Variants in CNTN4 observed in about 807,000 individuals in gnomAD.
The protein encoded by CNTN4 is contactin 4, also known as contactin-4.
Under a neutral mutation model 122.5 loss-of-function variants are expected in CNTN4, and 77 were observed. The ratio of observed to expected loss-of-function variants is 0.63; its 90% CI spans 0.52 to 0.76. The LOEUF (loss-of-function observed/expected upper bound fraction) is 0.76, where lower values mean the gene tolerates loss of function less well. Among genes scored for constraint, CNTN4 ranks in the 30% least tolerant of loss-of-function variants. The pLI is 0.00. For synonymous variants in CNTN4, 512 were observed against 447.0 expected (o/e 1.15, Z -1.83); for missense variants, 1,256 against 1,259.1 (o/e 1.00, Z 0.04).
intron 7 of CNTN4, among the ~76,000 whole-genome samples, chr3:2,855,210 T>A (rs2093605598): frequency 6.6e-6 from 1 of 152,198 alleles, no homozygotes; most frequent in African/African-American, 2.4e-5. Flanking sequence ...GTCAGGGTAA[T>A]CACTGCTGGA....
intron 6 of CNTN4, among the ~76,000 whole-genome samples, chr3:2,801,777 G>GT (rs11347298): frequency 6.6e-6 from 1 of 151,694 alleles, no homozygotes; most frequent in Non-Finnish European, 1.5e-5. Context: ...CCCTGAAAGT[G>GT]TTTTTTTATT....
At chr3:2,404,240 TGGATCTCTGCTTAGGGTCTCACAA>T (rs1406494405) in intron 3 of CNTN4, among the ~76,000 whole-genome samples, 2 of 152,194 alleles carry the variant, frequency 1.3e-5, no homozygotes, top group Admixed American at 1.3e-4. Context: ...AAACACAGCA[TGGATCTCTGCTTAGGGTCTCACAA>T]GGCCTACAGC....
At chr3:2,342,524 C>T (rs2044248374) in intron 3 of CNTN4, among the ~76,000 whole-genome samples, 2 of 152,112 alleles carry the variant, frequency 1.3e-5, no homozygotes, top group African/African-American at 4.8e-5. Flanking sequence ...TCTTGTAGTT[C>T]CCATAATCCC....
intron 10 of CNTN4, among the ~76,000 whole-genome samples, chr3:2,892,965 C>T (rs1245938322): frequency 1.3e-5 from 2 of 152,070 alleles, no homozygotes; most frequent in Non-Finnish European, 2.9e-5. Flanking sequence ...GTTACTTTTC[C>T]TGCCAATACA....
chr3:2,512,555 C>T (rs2076918655), intron 3 of CNTN4, among the ~76,000 whole-genome samples: 1 of 152,152 alleles, frequency 6.6e-6, no homozygotes, highest in Admixed American at 6.5e-5. Context: ...ATTGTTATCA[C>T]TGTGGAAAGG....
chr3:2,276,772 TG>T (rs1363099018), intron 2 of CNTN4, among the ~76,000 whole-genome samples: 1 of 152,054 alleles, frequency 6.6e-6, no homozygotes, highest in Non-Finnish European at 1.5e-5. Context: ...AAAAATTAGA[TG>T]GGCGTGGTGG....
intron 6 of CNTN4, among the ~76,000 whole-genome samples, chr3:2,760,256 A>T (rs1329897994): frequency 6.6e-6 from 1 of 152,186 alleles, no homozygotes; most frequent in East Asian, 1.9e-4. Flanking sequence ...GCCTAATCCA[A>T]GGTGACAAAA....
At chr3:2,450,116 C>T (rs1229913284) in intron 3 of CNTN4, among the ~76,000 whole-genome samples, 1 of 152,106 alleles carries the variant, frequency 6.6e-6, no homozygotes, top group African/African-American at 2.4e-5. Flanking sequence ...CCTATAATCC[C>T]AGCACTTTGG....
chr3:2,803,558 CT>C (rs34822164), intron 6 of CNTN4, among the ~76,000 whole-genome samples: 16,142 of 140,528 alleles, frequency 0.11, 1,137 homozygotes, highest in African/African-American at 0.22. Flanking sequence ...GTGGTAAATT[CT>C]TTTTTTTTTT....
At chr3:2,845,143 A>T (rs1038233633) in intron 7 of CNTN4, among the ~76,000 whole-genome samples, 2 of 152,192 alleles carry the variant, frequency 1.3e-5, no homozygotes, top group African/African-American at 4.8e-5. Flanking sequence ...AAACAAGCCA[A>T]TAAAAAAATT....
At chr3:2,849,433 C>G (rs976498618) in intron 7 of CNTN4, among the ~76,000 whole-genome samples, 2 of 152,158 alleles carry the variant, frequency 1.3e-5, no homozygotes, top group African/African-American at 4.8e-5. Context: ...TTTTGCCACA[C>G]TAATTTTTTT....
intron 6 of CNTN4, among the ~76,000 whole-genome samples, chr3:2,816,077 G>T (rs527754389): frequency 2.0e-4 from 30 of 152,032 alleles, no homozygotes; most frequent in Admixed American, 2.0e-3. Flanking sequence ...CAATGAGGCC[G>T]GATACAGTGG....
chr3:2,499,067 G>A (rs1027357175), intron 3 of CNTN4, among the ~76,000 whole-genome samples: 7 of 152,194 alleles, frequency 4.6e-5, no homozygotes, highest in Non-Finnish European at 1.0e-4. Context: ...GGGATTACAG[G>A]CGTAAGCCAC....
In CNTN4 at chr3:3,037,181, C is replaced by T; in HGVS notation, c.1945C>T (p.Pro649Ser). ...CCCCACCTTTTGTTGTCTTTCAGTC[C>T]CAGAACTCATTGATGGGAAGACATT... The part of the protein sequence containing the change: ...SVGWQAVSTV[P>S]ELIDGKTFTA... Residue 649 changes from proline (P) to serine (S), a missense_variant and splice_region_variant, in exon 18 of 25, where the codon CCA (proline) becomes TCA (serine). Physicochemically the swap from Pro to Ser is moderately conservative, Grantham distance 74. Coordinates refer to ENST00000418658, the MANE Select transcript of CNTN4 (RefSeq NM_175607.3). 1 of 1,614,074 alleles carries T rather than the reference C, an allele frequency of 6.2e-7. No homozygotes were observed. Among genetic ancestry groups the T allele is most frequent in the Non-Finnish European group, 8.5e-7 (1 of 1,180,010 alleles).
chr3:2,490,665 G>A (rs1218867499), intron 3 of CNTN4, among the ~76,000 whole-genome samples: 3 of 152,124 alleles, frequency 2.0e-5, no homozygotes, highest in African/African-American at 7.2e-5. Flanking sequence ...TGGAATATAT[G>A]TTGCATTATA....
intron 7 of CNTN4, among the ~76,000 whole-genome samples, chr3:2,845,682 A>G (rs930013237): frequency 6.6e-6 from 1 of 152,166 alleles, no homozygotes; most frequent in African/African-American, 2.4e-5. Flanking sequence ...AAAGGAGGTA[A>G]AATACTCAGA....
chr3:2,831,975 T>C (rs1303320475), intron 7 of CNTN4, among the ~76,000 whole-genome samples: 1 of 152,236 alleles, frequency 6.6e-6, no homozygotes, highest in South Asian at 2.1e-4. Flanking sequence ...TTAAGGATTA[T>C]GTTTCTTCCT....
At chr3:2,984,069 A>G (rs1489464798) in intron 13 of CNTN4, among the ~76,000 whole-genome samples, 2 of 118,108 alleles carry the variant, frequency 1.7e-5, no homozygotes, top group African/African-American at 3.7e-5. Flanking sequence ...AATGAATAGT[A>G]TAATAGTTTA....
intron 4 of CNTN4, among the ~76,000 whole-genome samples, chr3:2,613,769 T>C (rs2081597332): frequency 6.6e-6 from 1 of 152,148 alleles, no homozygotes; most frequent in Admixed American, 6.6e-5. Flanking sequence ...TAAGGTTGAA[T>C]AGAGAACCTG....
Sources: allele counts gnomAD v4.1 joint callset (sites outside exome capture counted in the v4.1 genomes callset), GRCh38; gene constraint gnomAD v4.1.1; transcripts MANE v1.5; gene names NCBI Gene and HGNC (gene_info 2026-07-23, HGNC 2026-07-21).